DSCAML1: variants seen among roughly 807,000 people sequenced by gnomAD.
The protein encoded by DSCAML1 is DS cell adhesion molecule like 1, also known as cell adhesion molecule DSCAML1.
Under a neutral mutation model 200.5 loss-of-function variants are expected in DSCAML1, and 38 were observed. That is an observed-to-expected ratio of 0.19 (90% CI 0.15 to 0.25). The LOEUF (loss-of-function observed/expected upper bound fraction) is 0.25, where lower values mean the gene tolerates loss of function less well. Among genes scored for constraint, DSCAML1 ranks in the 10% least tolerant of loss-of-function variants. The pLI is 1.00. For synonymous variants in DSCAML1, 1,215 were observed against 1,165.0 expected (o/e 1.04, Z -0.87); for missense variants, 2,223 against 2,858.8 (o/e 0.78, Z 5.07).
At chr11:117,551,704 T>G (rs989714751) in intron 3 of DSCAML1, among the ~76,000 whole-genome samples, 1 of 151,446 alleles carries the variant, frequency 6.6e-6, no homozygotes, top group Admixed American at 6.6e-5. Context: ...GGAAAGGGGG[T>G]CTGGAGGGGA....
intron 16 of DSCAML1, among the ~76,000 whole-genome samples, chr11:117,465,533 C>T (rs2048564059): frequency 6.6e-6 from 1 of 152,192 alleles, no homozygotes; most frequent in Non-Finnish European, 1.5e-5. Flanking sequence ...CAGCTCCCTG[C>T]CTCTCTCTGG....
rs866705708 is a variant in DSCAML1, at chr11:117,593,710, T to C, written c.512-61188A>G. On this transcript the variant is annotated intron_variant, in intron 3 of 32. Coordinates refer to ENST00000651296, the MANE Select transcript of DSCAML1 (RefSeq NM_020693.4). ...ATAGTATTGAACTCACTATATTTCT[T>C]GTTTTTTTTTTTTTTTTTTGAGATG... is the stretch of plus-strand genomic sequence containing the variant. Among the ~76,000 whole-genome samples, 119 of 127,368 alleles carry C rather than the reference T, an allele frequency of 9.3e-4. 1 individual carries two copies. The highest frequency in any genetic ancestry group is 4.2e-3 in the African/African-American group (112 of 26,606). The allele number at this position is 127,368 out of a possible 152,430, so 83.6% of individuals were successfully genotyped here.
intron 4 of DSCAML1, among the ~76,000 whole-genome samples, chr11:117,531,947 G>A (rs1429382459): frequency 1.1e-5 from 1 of 87,048 alleles, no homozygotes; most frequent in South Asian, 8.0e-4. Flanking sequence ...GAGGAGGGAG[G>A]GAGGGAGGGA....
At chr11:117,633,842 C>T (rs1438263523) in intron 3 of DSCAML1, among the ~76,000 whole-genome samples, 1 of 152,118 alleles carries the variant, frequency 6.6e-6, no homozygotes. Context: ...GTCCTCCAGA[C>T]TTTGATGCCT....
chr11:117,517,861 T>C (rs1018023055), intron 7 of DSCAML1, among the ~76,000 whole-genome samples: 5 of 152,328 alleles, frequency 3.3e-5, no homozygotes, highest in Middle Eastern at 3.4e-3. Flanking sequence ...TGAGGACTCC[T>C]TTCCCCACTC....
chr11:117,759,872 C>G (rs543493620), intron 3 of DSCAML1, among the ~76,000 whole-genome samples: 1 of 152,154 alleles, frequency 6.6e-6, no homozygotes, highest in Non-Finnish European at 1.5e-5. Context: ...CATTTCTTCC[C>G]CTCCTGTATT....
Position 117,811,520 on chromosome 11 carries a change from G to A in DSCAML1, c.-250+5870C>T, listed in dbSNP as rs1456095083. ...AACGCCTGAACTGCAGCGGCCAGGCGTTCCTCCAGAACCTCCTCCCCCAGG... is the reference window on the plus strand; with the variant it reads ...AACGCCTGAACTGCAGCGGCCAGGCATTCCTCCAGAACCTCCTCCCCCAGG... On this transcript the variant is annotated intron_variant, in intron 1 of 2. Transcript: ENST00000525836. Among the ~76,000 whole-genome samples the A allele has an allele frequency of 1.4e-4, 21 of 152,164 alleles. 1 individual carries two copies. Among genetic ancestry groups the A allele is most frequent in the Admixed American group, 4.6e-4 (7 of 15,286 alleles).
intron 1 of DSCAML1, among the ~76,000 whole-genome samples, chr11:117,785,015 C>T (rs967747419): frequency 6.6e-6 from 1 of 152,224 alleles, no homozygotes. Flanking sequence ...TACTTCCTCT[C>T]GGCTGACTCC....
At chr11:117,595,185 G>A (rs956525314) in intron 3 of DSCAML1, among the ~76,000 whole-genome samples, 1 of 152,094 alleles carries the variant, frequency 6.6e-6, no homozygotes, top group African/African-American at 2.4e-5. Context: ...CATAGCAGAG[G>A]GGGAGGGTTG....
At chr11:117,619,684 G>C (rs1391120970) in intron 3 of DSCAML1, among the ~76,000 whole-genome samples, 3 of 151,886 alleles carry the variant, frequency 2.0e-5, no homozygotes, top group African/African-American at 7.3e-5. Context: ...AAAAAAAAAT[G>C]GTTACATTTT....
At chr11:117,589,245 G>A (rs921467338) in intron 3 of DSCAML1, among the ~76,000 whole-genome samples, 3 of 152,210 alleles carry the variant, frequency 2.0e-5, no homozygotes, top group African/African-American at 7.2e-5. Flanking sequence ...TGCCGACTCT[G>A]CAGTGCGCCT....
chr11:117,770,926 A>G (rs1425973549), intron 3 of DSCAML1, among the ~76,000 whole-genome samples: 2 of 152,236 alleles, frequency 1.3e-5, no homozygotes, highest in African/African-American at 4.8e-5. Context: ...AAGGTGCCCC[A>G]TGAGTAGTTA....
chr11:117,801,414 T>A (rs1204407016), upstream of DSCAML1: 1 of 152,248 alleles, frequency 6.6e-6, no homozygotes, highest in African/African-American at 2.4e-5. Flanking sequence ...CCCACAAATG[T>A]GTGCAGGCAG....
chr11:117,812,748 G>A (rs2055771805), intron 1 of DSCAML1, among the ~76,000 whole-genome samples: 1 of 143,460 alleles, frequency 7.0e-6, no homozygotes, highest in Admixed American at 7.1e-5. Context: ...GATCGTGTCC[G>A]ACTAATCTCC....
intron 14 of DSCAML1, among the ~76,000 whole-genome samples, chr11:117,477,923 A>G (rs1024472505): frequency 6.6e-6 from 1 of 152,134 alleles, no homozygotes; most frequent in African/African-American, 2.4e-5. Context: ...CCTGTGACTT[A>G]GTTCTTTAAG....
In DSCAML1 at chr11:117,741,591, A is replaced by G. The variant is rs898022724; in HGVS notation, c.511+35200T>C. ...TGACAAATGAGGAAACTAAGGCTCA[A>G]AGATGTGTGGGAACTTCCCTTAAGA... On this transcript the variant is annotated intron_variant, in intron 3 of 32. Coordinates refer to ENST00000651296, the MANE Select transcript of DSCAML1 (RefSeq NM_020693.4). Among the ~76,000 whole-genome samples the G allele has an allele frequency of 2.6e-5, 4 of 152,268 alleles. No individual in the cohort carries two copies. The East Asian group carries it at 7.7e-4, about 29-fold the overall frequency.
intron 2 of DSCAML1, among the ~76,000 whole-genome samples, chr11:117,777,589 T>A (rs1296102830): frequency 2.0e-5 from 3 of 152,206 alleles, no homozygotes; most frequent in African/African-American, 4.8e-5. Context: ...CCTAGAGACA[T>A]GGACACAGTC....
At chr11:117,705,038 A>AG (rs945446101) in intron 3 of DSCAML1, among the ~76,000 whole-genome samples, 1 of 152,108 alleles carries the variant, frequency 6.6e-6, no homozygotes, top group Non-Finnish European at 1.5e-5. Context: ...ACCCACGCCG[A>AG]GGGGGGGACG....
chr11:117,760,144 CT>C (rs1461742871), intron 3 of DSCAML1, among the ~76,000 whole-genome samples: 4 of 152,212 alleles, frequency 2.6e-5, no homozygotes, highest in Non-Finnish European at 5.9e-5. Context: ...CATCCTAGAA[CT>C]TTGCACATGG....
Sources: allele counts gnomAD v4.1 joint callset (sites outside exome capture counted in the v4.1 genomes callset), GRCh38; gene constraint gnomAD v4.1.1; transcripts MANE v1.5; gene names NCBI Gene and HGNC (gene_info 2026-07-23, HGNC 2026-07-21).